The following WDFY4 variants were observed in gnomAD, a reference collection of about 807,000 sequenced individuals.
The protein encoded by WDFY4 is WDFY family member 4.
A neutral mutation model predicts 351.9 loss-of-function variants in WDFY4; 169 were observed. The ratio of observed to expected loss-of-function variants is 0.48; its 90% CI spans 0.42 to 0.55. The LOEUF (loss-of-function observed/expected upper bound fraction) is 0.55, where lower values mean the gene tolerates loss of function less well. WDFY4 is among the 20% of genes least tolerant of loss of function. WDFY4 has a pLI of 0.00. For missense variants in WDFY4, 3,803 were observed against 3,935.6 expected, an observed-to-expected ratio of 0.97 and a Z score of 0.90; for synonymous variants, 1,622 against 1,574.6, an observed-to-expected ratio of 1.03 and a Z score of -0.71.
intron 11 of WDFY4, among the ~76,000 whole-genome samples, chr10:48,738,254 A>C (rs1045943112): frequency 2.3e-4 from 35 of 152,208 alleles, no homozygotes; most frequent in African/African-American, 8.0e-4. Flanking sequence ...TGCTCATAGA[A>C]AGTTCCTTTT....
intron 1 of WDFY4, among the ~76,000 whole-genome samples, chr10:48,707,938 C>T (rs907899757): frequency 3.3e-5 from 5 of 152,144 alleles, no homozygotes; most frequent in African/African-American, 4.8e-5. Flanking sequence ...GTTAGCCCCC[C>T]AAAAGAAACA....
intron 35 of WDFY4, chr10:48,823,304 T>C: frequency 7.8e-7 from 1 of 1,286,440 alleles, no homozygotes; most frequent in Admixed American, 2.4e-5. Flanking sequence ...GGGATGTCTG[T>C]GATTCTTGGA....
chr10:48,805,138 G>A (rs2067209897), intron 25 of WDFY4, 122 bp from the exon 26 acceptor site: 6 of 1,153,172 alleles, frequency 5.2e-6, no homozygotes, highest in Non-Finnish European at 7.2e-6. Context: ...AAATTGCCAA[G>A]AGAGCATTGG....
Position 48,731,367 on chromosome 10 carries a change from C to G in WDFY4, c.1387C>G (p.Pro463Ala). 1.9e-6 allele frequency: 3 copies of G among 1,551,780 alleles called. No homozygotes were observed. Among genetic ancestry groups the G allele is most frequent in the Non-Finnish European group, 2.6e-6 (3 of 1,147,014 alleles). ...CCTGGTGTTCGAGCTGCACTACGTG[C>G]CTCATGAGATCCTGCGAAAGGTACA... The part of the protein sequence containing the change: ...EALVFELHYV[P>A]HEILRKVQHL... Residue 463 changes from proline to alanine, a missense_variant, in exon 9 of 62, where the codon CCT becomes GCT. Pro to Ala is a conservative substitution (Grantham distance 27). This residue lies in a region of WDFY4 where 261 missense variants were observed against 330.2 expected (regional missense o/e 0.79). Transcript: ENST00000325239.
At chr10:48,860,120 A>G (rs572134646) in intron 39 of WDFY4, among the ~76,000 whole-genome samples, 28 of 152,322 alleles carry the variant, frequency 1.8e-4, no homozygotes, top group African/African-American at 4.3e-4. Flanking sequence ...TGTAAATTCT[A>G]TCTCTTCAAA....
chr10:48,686,284 C>A (rs1338685193), intron 1 of WDFY4, among the ~76,000 whole-genome samples: 1 of 127,916 alleles, frequency 7.8e-6, no homozygotes. Context: ...AGTTCAAGAC[C>A]AGTCTGGACA....
chr10:48,759,036 A>AAT (rs140066476), intron 12 of WDFY4, among the ~76,000 whole-genome samples: 30,333 of 150,334 alleles, frequency 0.2, 3,359 homozygotes, highest in East Asian at 0.4. Context: ...AATGTTAATG[A>AAT]ATATATATAT....
chr10:48,955,189 C>T (rs1057066675), intron 51 of WDFY4, among the ~76,000 whole-genome samples: 7 of 152,170 alleles, frequency 4.6e-5, no homozygotes, highest in Non-Finnish European at 7.4e-5. Flanking sequence ...TTTCGACACC[C>T]CACCCCCATT....
At chr10:48,783,623 C>T (rs141004926) in intron 19 of WDFY4, among the ~76,000 whole-genome samples, 231 of 152,114 alleles carry the variant, frequency 1.5e-3, no homozygotes, top group African/African-American at 5.3e-3. Context: ...AGATTAGCTA[C>T]CCTCCTACTA....
chr10:48,826,181 C>A (rs78654610), intron 35 of WDFY4, among the ~76,000 whole-genome samples: 5 of 152,176 alleles, frequency 3.3e-5, no homozygotes, highest in Non-Finnish European at 7.3e-5. Context: ...TACGTCTAGC[C>A]AGTTCTCCCA....
In WDFY4 at chr10:48,890,614, C is replaced by A. The variant is rs1205494494; in HGVS notation, c.7203C>A (p.Gly2401=). The A allele has an allele frequency of 1.9e-6, 3 of 1,551,714 alleles. No individual in the cohort carries two copies. In the South Asian group the frequency reaches 3.6e-5, roughly 18 times the overall value. ...TQKFSLVIVQ[G]HLVSEGVLLF... ...AGTTCTCCCTGGTGATTGTGCAGGG[C>A]CACCTGGTGTCAGAAGGGGTCCTGC... The change falls in exon 44 of 62, where the codon GGC becomes GGA. Residue 2401 remains glycine, a synonymous_variant. Coordinates refer to ENST00000325239, the MANE Select transcript of WDFY4 (RefSeq NM_001394531.1).
chr10:48,890,573 T>C lies in WDFY4; in HGVS notation c.7168-6T>C. On this transcript the variant is annotated splice_region_variant and splice_polypyrimidine_tract_variant and intron_variant, in intron 43 of 61. Coordinates refer to ENST00000325239, the MANE Select transcript of WDFY4 (RefSeq NM_001394531.1). ...ACCACCTGACTCTGCCACTCTCTCCTTCCAGGTGACGCAGAAGTTCTCCCT... is the reference window on the plus strand; with the variant it reads ...ACCACCTGACTCTGCCACTCTCTCCCTCCAGGTGACGCAGAAGTTCTCCCT... The C allele has an allele frequency of 6.4e-7, 1 of 1,551,694 alleles. No individual in the cohort carries two copies.
chr10:48,715,359 G>A (rs11101437), intron 2 of WDFY4, among the ~76,000 whole-genome samples: 40,288 of 152,206 alleles, frequency 0.26, 6,110 homozygotes, highest in East Asian at 0.64. Context: ...GGAAAAGTGG[G>A]TAACATAAGA....
chr10:48,819,706 T>C (rs1272894120), intron 32 of WDFY4, among the ~76,000 whole-genome samples: 3 of 152,198 alleles, frequency 2.0e-5, no homozygotes, highest in African/African-American at 7.2e-5. Context: ...AAGAACTCTT[T>C]GGAGTCCCAC....
chr10:48,783,113 C>T (rs1411800626), intron 19 of WDFY4, among the ~76,000 whole-genome samples: 2 of 152,166 alleles, frequency 1.3e-5, no homozygotes, highest in Non-Finnish European at 2.9e-5. Context: ...TGTAAACTCT[C>T]ATTTAGAAAA....
chr10:48,821,913 G>A (rs1229035212), intron 34 of WDFY4, among the ~76,000 whole-genome samples: 3 of 152,218 alleles, frequency 2.0e-5, no homozygotes, highest in Admixed American at 6.5e-5. Flanking sequence ...GAGTAAGGAC[G>A]ACAGTCGTGG....
intron 47 of WDFY4, among the ~76,000 whole-genome samples, chr10:48,917,396 G>T (rs1838649022): frequency 6.6e-6 from 1 of 152,154 alleles, no homozygotes; most frequent in Admixed American, 6.6e-5. Flanking sequence ...ACAAACACAG[G>T]AAGGAAGCTC....
At chr10:48,772,939 T>C (rs2065916399) in intron 13 of WDFY4, among the ~76,000 whole-genome samples, 1 of 151,166 alleles carries the variant, frequency 6.6e-6, no homozygotes, top group Admixed American at 6.6e-5. Context: ...CTTAATCCAG[T>C]CTATCATTGT....
intron 28 of WDFY4, among the ~76,000 whole-genome samples, chr10:48,808,687 G>A (rs185361549): frequency 6.6e-6 from 1 of 152,330 alleles, no homozygotes; most frequent in East Asian, 1.9e-4. Context: ...TAATTTACCA[G>A]CCTATAAATC....
Sources: allele counts gnomAD v4.1 joint callset (sites outside exome capture counted in the v4.1 genomes callset), GRCh38; gene constraint gnomAD v4.1.1; regional missense constraint gnomAD v4.1.1; transcripts MANE v1.5; gene names NCBI Gene and HGNC (gene_info 2026-07-23, HGNC 2026-07-21).